The following ATP8A1 variants were observed in gnomAD, a reference collection of about 807,000 sequenced individuals.
The protein encoded by ATP8A1 is ATPase phospholipid transporting 8A1, also known as phospholipid-transporting ATPase IA.
Under a neutral mutation model 177.7 loss-of-function variants are expected in ATP8A1, and 90 were observed. The ratio of observed to expected loss-of-function variants is 0.51; its 90% CI spans 0.43 to 0.60. The LOEUF is 0.60. Among genes scored for constraint, ATP8A1 ranks in the 20% least tolerant of loss-of-function variants. The pLI is 0.00. For missense variants in ATP8A1, 1,072 were observed against 1,392.8 expected, an observed-to-expected ratio of 0.77 and a Z score of 3.67; for synonymous variants, 493 against 485.9, an observed-to-expected ratio of 1.01 and a Z score of -0.19.
chr4:42,472,536 C>G (rs1720548298), intron 25 of ATP8A1, among the ~76,000 whole-genome samples: 1 of 151,840 alleles, frequency 6.6e-6, no homozygotes, highest in Admixed American at 6.6e-5. Context: ...ATCACGAGGT[C>G]AGGAGTTCAA....
At chr4:42,467,802 T>A (rs774865471) in intron 25 of ATP8A1, among the ~76,000 whole-genome samples, 1 of 152,230 alleles carries the variant, frequency 6.6e-6, no homozygotes, top group South Asian at 2.1e-4. Context: ...GCCATCTGTA[T>A]ATCTTGAGAA....
chr4:42,520,910 A>G (rs1379903019), intron 22 of ATP8A1, among the ~76,000 whole-genome samples: 1 of 152,206 alleles, frequency 6.6e-6, no homozygotes, highest in African/African-American at 2.4e-5. Context: ...CAGGACACCA[A>G]TATCTCGAGT....
chr4:42,499,073 C>G (rs1056201667), intron 24 of ATP8A1, among the ~76,000 whole-genome samples: 9 of 152,168 alleles, frequency 5.9e-5, no homozygotes, highest in Admixed American at 3.9e-4. Context: ...CATTTTCCTG[C>G]AGGATCCAAA....
intron 25 of ATP8A1, among the ~76,000 whole-genome samples, chr4:42,470,471 T>A (rs1279995770): frequency 1.3e-5 from 2 of 152,112 alleles, no homozygotes; most frequent in Non-Finnish European, 2.9e-5. Context: ...TATATGTACA[T>A]ATATATAATA....
At chr4:42,636,627 G>A (rs1008694986) in intron 1 of ATP8A1, among the ~76,000 whole-genome samples, 1 of 152,176 alleles carries the variant, frequency 6.6e-6, no homozygotes, top group African/African-American at 2.4e-5. Flanking sequence ...GGAATTTTCA[G>A]TTGCATTAAT....
intron 35 of ATP8A1, 123 bp from the exon 36 acceptor site, chr4:42,414,841 G>C (rs934875656): frequency 1.4e-6 from 1 of 723,174 alleles, no homozygotes; most frequent in Non-Finnish European, 2.4e-6. Flanking sequence ...CCGTAGCCTA[G>C]TGATTCTTTT....
intron 5 of ATP8A1, 57 bp downstream of exon 5, chr4:42,615,976 T>G: frequency 6.8e-7 from 1 of 1,471,806 alleles, no homozygotes; most frequent in Non-Finnish European, 9.4e-7. Flanking sequence ...TTGAAGTGTT[T>G]GTATATACTA....
intron 1 of ATP8A1, among the ~76,000 whole-genome samples, chr4:42,642,208 A>G (rs1246520102): frequency 1.3e-5 from 2 of 152,168 alleles, no homozygotes; most frequent in African/African-American, 4.8e-5. Context: ...CAATGCCACA[A>G]CCAGGTTTGC....
chr4:42,408,571 T>A lies in ATP8A1; in HGVS notation c.*4345A>T, dbSNP rs187621752. ...ATAAACAAACCTGAGAAAACTACTA[T>A]AACCACAGATTCAATACTCTCCACT... On this transcript the variant is annotated 3_prime_UTR_variant, in exon 37 of 37. Coordinates refer to ENST00000381668, the MANE Select transcript of ATP8A1 (RefSeq NM_006095.2). 2 of 152,298 alleles carry A rather than the reference T, an allele frequency of 1.3e-5. No homozygotes were observed. The highest frequency in any genetic ancestry group is 2.9e-5 in the Non-Finnish European group (2 of 68,012). 9.4% of individuals were successfully genotyped at this position (152,298 alleles called of 1,614,324 possible).
At chr4:42,649,260 C>T (rs1220187638) in intron 1 of ATP8A1, among the ~76,000 whole-genome samples, 2 of 152,116 alleles carry the variant, frequency 1.3e-5, no homozygotes, top group Non-Finnish European at 2.9e-5. Context: ...TACCAAGTGT[C>T]AAGCACTATT....
chr4:42,431,596 A>G (rs1715313085), intron 33 of ATP8A1, among the ~76,000 whole-genome samples: 1 of 152,160 alleles, frequency 6.6e-6, no homozygotes, highest in Admixed American at 6.5e-5. Flanking sequence ...TTTCCAAGGG[A>G]GTTAACAAGT....
At position 42,646,449 on chromosome 4, in the gene ATP8A1, G is replaced by C. The variant is rs143378829; in HGVS notation, c.49+10376C>G. Among the ~76,000 whole-genome samples, 684 of 152,342 alleles carry C rather than the reference G, an allele frequency of 4.5e-3. 2 individuals are homozygous for C. The highest frequency in any genetic ancestry group is 0.017 in the Middle Eastern group (5 of 294). Reference sequence around the variant, plus strand: ...AAGGGACACGGGAAAAAGACGGTCTGTAGAAGCTGGAAGATTTGTTTTATA... The same window carrying C: ...AAGGGACACGGGAAAAAGACGGTCTCTAGAAGCTGGAAGATTTGTTTTATA... On this transcript the variant is annotated intron_variant, in intron 1 of 36. Transcript: ENST00000381668.
chr4:42,448,406 T>C (rs974110221), intron 30 of ATP8A1, among the ~76,000 whole-genome samples: 1 of 123,018 alleles, frequency 8.1e-6, no homozygotes, highest in Non-Finnish European at 1.7e-5. Context: ...CTTTTCTTTT[T>C]TTTTTTTTTG....
intron 19 of ATP8A1, among the ~76,000 whole-genome samples, chr4:42,546,420 G>C (rs566452272): frequency 7.6e-6 from 1 of 131,724 alleles, no homozygotes; most frequent in Non-Finnish European, 1.6e-5. Flanking sequence ...ATCACACACC[G>C]GGGACTGTTG....
chr4:42,452,175 C>A, intron 29 of ATP8A1, 116 bp from the exon 30 acceptor site: 3 of 654,812 alleles, frequency 4.6e-6, no homozygotes, highest in Non-Finnish European at 8.1e-6. Context: ...CGGGCCACCA[C>A]TGTGAATTAA....
intron 34 of ATP8A1, 86 bp from the exon 35 acceptor site, chr4:42,422,985 G>A (rs960668011): frequency 1.7e-5 from 17 of 993,686 alleles, no homozygotes; most frequent in Non-Finnish European, 2.4e-5. Flanking sequence ...TTATCACGCG[G>A]TTGATAAAGC....
chr4:42,530,767 T>C (rs192102131), intron 20 of ATP8A1, among the ~76,000 whole-genome samples: 1 of 152,346 alleles, frequency 6.6e-6, no homozygotes, highest in Admixed American at 6.5e-5. Flanking sequence ...AGGCCGTGTA[T>C]GCTCTGAATC....
intron 35 of ATP8A1, 81 bp downstream of exon 35, chr4:42,422,726 T>C (rs749119840): frequency 1.3e-4 from 138 of 1,100,110 alleles, no homozygotes; most frequent in Non-Finnish European, 1.8e-4. Context: ...CAAATACAAG[T>C]CTTATCACTT....
In ATP8A1 at chr4:42,552,655, T is replaced by C. The variant is rs747600475; in HGVS notation, c.1414-45A>G. 8.9e-6 allele frequency: 12 copies of C among 1,345,598 alleles called. No individual in the cohort carries two copies. The East Asian group carries it at 2.3e-4, about 26-fold the overall frequency. 83.4% of individuals were successfully genotyped at this position (1,345,598 alleles called of 1,614,324 possible). On this transcript the variant is annotated intron_variant, in intron 16 of 36. Transcript: ENST00000381668. Reference sequence around the variant, plus strand: ...AATTTAAGCCCTTCTCATGTGAACATTTTGACACTGACAGTAATATTACTT... The same window carrying C: ...AATTTAAGCCCTTCTCATGTGAACACTTTGACACTGACAGTAATATTACTT...
Sources: gnomAD v4.1 joint callset for allele counts (sites outside exome capture counted in the v4.1 genomes callset) on GRCh38, gnomAD v4.1.1 for gene constraint, MANE v1.5 for transcripts, NCBI Gene and HGNC (gene_info 2026-07-23, HGNC 2026-07-21) for gene names.